Variants in DNM3 observed in about 807,000 individuals in gnomAD.
DNM3 encodes dynamin-3.
In DNM3, 47 loss-of-function variants were observed where a neutral mutation model predicts 101.6. That is an observed-to-expected ratio of 0.46 (90% CI 0.37 to 0.59). The LOEUF is 0.59. DNM3 is among the 20% of genes least tolerant of loss of function. DNM3 has a pLI of 0.00. For missense variants in DNM3, 849 were observed against 1,085.7 expected (o/e 0.78, Z 3.06); for synonymous variants, 385 against 387.9 (o/e 0.99, Z 0.09).
intron 1 of DNM3, among the ~76,000 whole-genome samples, chr1:171,868,092 A>G (rs1257802139): frequency 6.6e-6 from 1 of 151,974 alleles, no homozygotes; most frequent in Non-Finnish European, 1.5e-5. Flanking sequence ...ATTGAGTCCA[A>G]CTCTTTATGG....
chr1:171,920,039 C>A (rs2040033170), intron 1 of DNM3, among the ~76,000 whole-genome samples: 1 of 152,194 alleles, frequency 6.6e-6, no homozygotes, highest in African/African-American at 2.4e-5. Flanking sequence ...TATACGTTGA[C>A]ATTCTAAATG....
intron 17 of DNM3, among the ~76,000 whole-genome samples, chr1:172,330,577 T>C (rs968803694): frequency 1.3e-5 from 2 of 152,086 alleles, no homozygotes; most frequent in African/African-American, 4.8e-5. Context: ...TGGTACAGAA[T>C]TTACACCAAA....
At position 171,897,026 on chromosome 1, in the gene DNM3, A is replaced by C. The variant is rs570339439; in HGVS notation, c.162-24722A>C. 3.0e-4 allele frequency among the ~76,000 whole-genome samples: 46 copies of C among 152,274 alleles called. 1 individual carries two copies. In the South Asian group the frequency reaches 3.9e-3, roughly 13 times the overall value. ...CCATCTTAAAGTGATCCCAAGCCAC[A>C]TCTTCTACATGAAACAGGGTTATAT... On this transcript the variant is annotated intron_variant, in intron 1 of 20. Coordinates refer to ENST00000627582, the MANE Select transcript of DNM3 (RefSeq NM_015569.5).
intron 13 of DNM3, among the ~76,000 whole-genome samples, chr1:172,100,791 T>G (rs1162629318): frequency 6.6e-6 from 1 of 152,194 alleles, no homozygotes; most frequent in African/African-American, 2.4e-5. Flanking sequence ...TTTTTTTTCC[T>G]TCCATATTTT....
intron 10 of DNM3, among the ~76,000 whole-genome samples, chr1:172,057,475 A>C (rs1156616554): frequency 1.3e-5 from 2 of 152,262 alleles, no homozygotes; most frequent in Non-Finnish European, 2.9e-5. Flanking sequence ...AGGGAAGCCC[A>C]TCAGACTAAC....
chr1:172,299,268 C>G (rs1490427948), intron 15 of DNM3, among the ~76,000 whole-genome samples: 1 of 152,178 alleles, frequency 6.6e-6, no homozygotes, highest in African/African-American at 2.4e-5. Flanking sequence ...ACTGCCCAGA[C>G]CCTGGGGGCT....
At position 172,370,976 on chromosome 1, in the gene DNM3, C is replaced by T. The variant is rs187911838; in HGVS notation, c.1894-8042C>T. Among the ~76,000 whole-genome samples the T allele has an allele frequency of 2.8e-4, 43 of 152,014 alleles. No individual in the cohort carries two copies. The East Asian group carries it at 3.9e-3, about 14-fold the overall frequency. ...TCTTTACAGCCTGGTAATTTCAGAA[C>T]GAATAGAAGTGTTTGTATCTGTGGG... On this transcript the variant is annotated intron_variant, in intron 17 of 20. Transcript: ENST00000627582.
intron 10 of DNM3, among the ~76,000 whole-genome samples, chr1:172,056,856 C>T (rs1233582380): frequency 4.6e-5 from 7 of 152,002 alleles, no homozygotes; most frequent in African/African-American, 7.3e-5. Flanking sequence ...ACGACTTTGA[C>T]GAGCTGAGAG....
rs3051606 is a variant in DNM3 at position 171,982,662 on chromosome 1, TTG to T, written c.236-4974_236-4973del. ...TCACTTTTTGCATGCATGTGTGTGT[TTG>T]TGTGTGTGTGTGTGTGTGTATAATG... On this transcript the variant is annotated intron_variant, in intron 2 of 20. Coordinates refer to ENST00000627582, the MANE Select transcript of DNM3 (RefSeq NM_015569.5). Among the ~76,000 whole-genome samples the T allele has an allele frequency of 2.7e-3, 401 of 148,846 alleles. 6 individuals are homozygous for T. Among genetic ancestry groups the T allele is most frequent in the African/African-American group, 7.9e-3 (323 of 40,636 alleles).
intron 17 of DNM3, among the ~76,000 whole-genome samples, chr1:172,363,252 T>C (rs2067839202): frequency 6.6e-6 from 1 of 151,920 alleles, no homozygotes; most frequent in African/African-American, 2.4e-5. Context: ...AATCTACATT[T>C]TCTGTTGTGG....
intron 14 of DNM3, among the ~76,000 whole-genome samples, chr1:172,202,553 A>G (rs1373609567): frequency 6.6e-6 from 1 of 152,120 alleles, no homozygotes; most frequent in Admixed American, 6.6e-5. Context: ...TATTTCTTTT[A>G]CTAAATTGTG....
At chr1:172,414,612 G>A (rs1229754393), downstream of DNM3, among the ~76,000 whole-genome samples, 2 of 152,168 alleles carry the variant, frequency 1.3e-5, no homozygotes, top group Admixed American at 6.5e-5. Context: ...GACATTGAGT[G>A]TGATTTCCTC....
At chr1:172,223,350 G>A (rs2060983701) in intron 14 of DNM3, among the ~76,000 whole-genome samples, 1 of 149,068 alleles carries the variant, frequency 6.7e-6, no homozygotes, top group Admixed American at 6.7e-5. Context: ...AGGCATATCG[G>A]CAGGCACCAA....
chr1:171,913,983 T>G (rs371252332), intron 1 of DNM3, among the ~76,000 whole-genome samples: 1 of 151,216 alleles, frequency 6.6e-6, no homozygotes, highest in African/African-American at 2.4e-5. Flanking sequence ...GAGAAGGGAG[T>G]CTTGTCATGT....
At chr1:172,076,659 A>T (rs2052672918) in intron 11 of DNM3, among the ~76,000 whole-genome samples, 1 of 152,150 alleles carries the variant, frequency 6.6e-6, no homozygotes, top group Admixed American at 6.5e-5. Flanking sequence ...AGTCTCAGGG[A>T]TGAAGCCGAC....
intron 16 of DNM3, among the ~76,000 whole-genome samples, chr1:172,320,859 A>C (rs2065681651): frequency 6.6e-6 from 1 of 152,212 alleles, no homozygotes; most frequent in South Asian, 2.1e-4. Flanking sequence ...AGGAAGTCTG[A>C]AACAATGTCC....
At chr1:172,173,051 T>C (rs1003682380) in intron 14 of DNM3, among the ~76,000 whole-genome samples, 6 of 151,856 alleles carry the variant, frequency 4.0e-5, no homozygotes, top group Admixed American at 1.3e-4. Flanking sequence ...GAAACAATTT[T>C]ATGAGGCTTG....
chr1:171,978,841 C>T (rs2044573862), intron 2 of DNM3, among the ~76,000 whole-genome samples: 1 of 152,004 alleles, frequency 6.6e-6, no homozygotes. Context: ...AAGCTTTGAA[C>T]AGGTATATTT....
intron 17 of DNM3, among the ~76,000 whole-genome samples, chr1:172,368,193 G>A (rs1274511891): frequency 6.6e-6 from 1 of 151,908 alleles, no homozygotes. Flanking sequence ...TTAGCACATG[G>A]AACATGCCCC....
Sources: allele counts gnomAD v4.1 joint callset (sites outside exome capture counted in the v4.1 genomes callset), GRCh38; gene constraint gnomAD v4.1.1; transcripts MANE v1.5; gene names NCBI Gene and HGNC (gene_info 2026-07-23, HGNC 2026-07-21).